MARK1: variants seen among roughly 807,000 people sequenced by gnomAD.
MARK1 encodes the protein microtubule affinity regulating kinase 1, also known as serine/threonine-protein kinase MARK1.
MARK1 carries 40 observed loss-of-function variants against 96.3 expected under a neutral mutation model. That is an observed-to-expected ratio of 0.42 (90% CI 0.32 to 0.54). The LOEUF is 0.54. Among genes scored for constraint, MARK1 ranks in the 20% least tolerant of loss-of-function variants. The pLI is 0.16. For missense variants in MARK1, 719 were observed against 984.6 expected, an observed-to-expected ratio of 0.73 and a Z score of 3.61; for synonymous variants, 317 against 341.2, an observed-to-expected ratio of 0.93 and a Z score of 0.78.
intron 3 of MARK1, among the ~76,000 whole-genome samples, chr1:220,592,895 G>C (rs950385489): frequency 1.1e-4 from 17 of 152,170 alleles, no homozygotes; most frequent in African/African-American, 3.6e-4. Context: ...TTACAAAGAT[G>C]TCTGATATAC....
rs1404426893 is a variant in MARK1 at position 220,618,990 on chromosome 1, AAC to A, written c.909+239_909+240del. Among the ~76,000 whole-genome samples the A allele has an allele frequency of 2.0e-5, 3 of 152,238 alleles. No individual in the cohort carries two copies. Among genetic ancestry groups the A allele is most frequent in the African/African-American group, 4.8e-5 (2 of 41,452 alleles). On this transcript the variant is annotated intron_variant, in intron 9 of 17. Transcript: ENST00000366917. This position sits in a 1 kb window ranked among gnomAD's most constrained non-coding sequence, Gnocchi z 4.6. Reference sequence around the variant, plus strand: ...CTGCAGTGCCGTATTAAATAAAAACAACACAAAAATAGAGGTTGACTTTTAGT... The same window carrying A: ...CTGCAGTGCCGTATTAAATAAAAACAACAAAAATAGAGGTTGACTTTTAGT...
intron 11 of MARK1, 33 bp downstream of exon 11, chr1:220,632,346 T>C: frequency 1.0e-6 from 1 of 991,632 alleles, no homozygotes; most frequent in Non-Finnish European, 1.5e-6. Context: ...TTACTGTGAA[T>C]TATTTCTTGA....
chr1:220,654,414 A>G lies in MARK1; in HGVS notation c.1988+1062A>G, dbSNP rs1669059244. Among the ~76,000 whole-genome samples, 1 of 152,246 alleles carries G rather than the reference A, an allele frequency of 6.6e-6. No homozygotes were observed. Among genetic ancestry groups the G allele is most frequent in the Admixed American group, 6.5e-5 (1 of 15,288 alleles). On this transcript the variant is annotated intron_variant, in intron 16 of 17. Coordinates refer to ENST00000366917, the MANE Select transcript of MARK1 (RefSeq NM_018650.5). The surrounding 1 kb of genome is among the most constrained non-coding windows in gnomAD (Gnocchi z 4.0). ...CAGCTTCAGTCTTACTTGCCTTGTCATGGAGCTATTTATAGGCTTGGTTCA... is the reference window on the plus strand; with the variant it reads ...CAGCTTCAGTCTTACTTGCCTTGTCGTGGAGCTATTTATAGGCTTGGTTCA...
chr1:220,594,315 CAAT>C (rs1338139996), intron 3 of MARK1, among the ~76,000 whole-genome samples: 1 of 152,122 alleles, frequency 6.6e-6, no homozygotes, highest in Middle Eastern at 3.2e-3. Context: ...ATAATTAAAA[CAAT>C]AGTGAGATAC....
chr1:220,656,166 T>C (rs766277709), intron 16 of MARK1, among the ~76,000 whole-genome samples: 1 of 152,232 alleles, frequency 6.6e-6, no homozygotes, highest in Non-Finnish European at 1.5e-5. Context: ...CTGCATATGC[T>C]GTTAGAGCCA....
intron 1 of MARK1, among the ~76,000 whole-genome samples, chr1:220,558,412 T>G (rs6702256): frequency 0.012 from 1,736 of 150,352 alleles, 25 homozygotes; most frequent in African/African-American, 0.04. Flanking sequence ...AAAATAAATA[T>G]AAAAGGATTA....
At chr1:220,634,282 G>A (rs566062898) in intron 11 of MARK1, among the ~76,000 whole-genome samples, 10 of 152,046 alleles carry the variant, frequency 6.6e-5, no homozygotes, top group African/African-American at 1.2e-4. Flanking sequence ...ACCATGCCAC[G>A]CATGAATTTA....
At position 220,653,232 on chromosome 1, in the gene MARK1, G is replaced by A. The variant is rs768967864; in HGVS notation, c.1868G>A (p.Arg623His). The A allele has an allele frequency of 2.1e-5, 34 of 1,614,064 alleles. No homozygotes were observed. The highest frequency in any genetic ancestry group is 2.9e-5 in the Non-Finnish European group (34 of 1,180,044). ...CATGGTGAACAGCTCCGGGAGCGAC[G>A]CAGCGTTGCTTATAATGGGCCACCT... ...TFHGEQLRER[R>H]SVAYNGPPAS... The change falls in exon 16 of 18, where the codon CGC becomes CAC. Residue 623 changes from arginine to histidine, a missense_variant. This residue lies in a region of MARK1 where 501 missense variants were observed against 588.3 expected (regional missense o/e 0.85). Coordinates refer to ENST00000366917, the MANE Select transcript of MARK1 (RefSeq NM_018650.5).
chr1:220,635,722 A>G, intron 12 of MARK1, 111 bp from the exon 13 acceptor site: 2 of 1,150,104 alleles, frequency 1.7e-6, no homozygotes, highest in Middle Eastern at 2.2e-4. Context: ...ATCTTCGTTC[A>G]GAGTTTAAAG....
At chr1:220,610,057 T>C (rs1272926145) in intron 6 of MARK1, among the ~76,000 whole-genome samples, 1 of 152,182 alleles carries the variant, frequency 6.6e-6, no homozygotes, top group Admixed American at 6.5e-5. Context: ...GGAGTATCTT[T>C]GGATGTTCTC....
intron 3 of MARK1, among the ~76,000 whole-genome samples, chr1:220,581,986 T>C (rs1664276000): frequency 6.6e-6 from 1 of 152,254 alleles, no homozygotes. Flanking sequence ...TTGTCACATA[T>C]GTAATTTTAA....
intron 3 of MARK1, among the ~76,000 whole-genome samples, chr1:220,587,264 C>A (rs1185472077): frequency 6.6e-6 from 1 of 151,438 alleles, no homozygotes; most frequent in African/African-American, 2.4e-5. Context: ...TCCTTTCCTT[C>A]CTTCCTTCCT....
rs978624801 is a variant in MARK1, at chr1:220,626,855, A to C, written c.910-4180A>C. 4 of 429,064 alleles carry C rather than the reference A, an allele frequency of 9.3e-6. No individual in the cohort carries two copies. The East Asian group carries it at 2.2e-4, about 23-fold the overall frequency. 26.6% of individuals were successfully genotyped at this position (429,064 alleles called of 1,614,324 possible). On this transcript the variant is annotated intron_variant, in intron 9 of 17. Coordinates refer to ENST00000366917, the MANE Select transcript of MARK1 (RefSeq NM_018650.5). ...AAAAAGGGTTGAGGGGGGCATGCCA[A>C]GTGTATGGAATTTGTCAAGAGCTTT...
chr1:220,657,965 A>T (rs904607330), intron 17 of MARK1, 131 bp downstream of exon 17: 1 of 606,772 alleles, frequency 1.6e-6, no homozygotes, highest in African/African-American at 1.9e-5. Flanking sequence ...AGATTTTTAT[A>T]TTGGGGTGGG....
At chr1:220,637,201 T>A (rs1461911657) in intron 13 of MARK1, among the ~76,000 whole-genome samples, 1 of 151,888 alleles carries the variant, frequency 6.6e-6, no homozygotes, top group Non-Finnish European at 1.5e-5. Context: ...TATATAGGAG[T>A]TGAAAGTAAT....
At chr1:220,640,720 C>T (rs113893940) in intron 13 of MARK1, among the ~76,000 whole-genome samples, 15 of 152,242 alleles carry the variant, frequency 9.9e-5, no homozygotes, top group African/African-American at 3.6e-4. Flanking sequence ...CTGCATCATC[C>T]CGTGGCATAA....
chr1:220,656,926 A>C (rs1669208767), intron 16 of MARK1, among the ~76,000 whole-genome samples: 1 of 152,038 alleles, frequency 6.6e-6, no homozygotes. Flanking sequence ...AATTTGGGGG[A>C]TGGGAGAGTA....
At chr1:220,647,620 A>G (rs528572779) in intron 13 of MARK1, among the ~76,000 whole-genome samples, 5 of 152,370 alleles carry the variant, frequency 3.3e-5, no homozygotes, top group African/African-American at 1.2e-4. Context: ...ACTATTAACA[A>G]TAGCAAAGAC....
intron 3 of MARK1, among the ~76,000 whole-genome samples, chr1:220,582,942 G>A (rs980158540): frequency 9.9e-5 from 15 of 152,164 alleles, no homozygotes; most frequent in African/African-American, 3.1e-4. Flanking sequence ...TGATTTACAT[G>A]TATGTTGATA....
Sources: gnomAD v4.1 joint callset for allele counts (sites outside exome capture counted in the v4.1 genomes callset) on GRCh38, gnomAD v4.1.1 for gene constraint, gnomAD v4.1.1 regional missense constraint, Gnocchi (gnomAD v3.1) non-coding constraint, MANE v1.5 for transcripts, NCBI Gene and HGNC (gene_info 2026-07-23, HGNC 2026-07-21) for gene names.